Variants in TMEM161A observed in about 807,000 individuals in gnomAD.
The protein encoded by TMEM161A is transmembrane protein 161A.
A neutral mutation model predicts 57.1 loss-of-function variants in TMEM161A; 46 were observed. That is an observed-to-expected ratio of 0.81 (90% CI 0.64 to 1.03). The LOEUF (loss-of-function observed/expected upper bound fraction) is 1.03, where lower values mean the gene tolerates loss of function less well. TMEM161A is among the 50% of genes least tolerant of loss of function. The pLI, the probability that TMEM161A is intolerant of heterozygous loss-of-function variation, is 0.00. For synonymous variants in TMEM161A, 288 were observed against 279.0 expected, an observed-to-expected ratio of 1.03 and a Z score of -0.32; for missense variants, 601 against 621.5, an observed-to-expected ratio of 0.97 and a Z score of 0.35.
chr19:19,132,516 G>T lies in TMEM161A; in HGVS notation c.287-8C>A. On this transcript the variant is annotated splice_region_variant and splice_polypyrimidine_tract_variant and intron_variant, in intron 4 of 11. Transcript: ENST00000162044. The surrounding 1 kb of genome is among the most constrained non-coding windows in gnomAD (Gnocchi z 4.3). ...CCAGGAAGAAGCGCAGGACTGTGGGGGGCACTCTGCTCAGCCCTGGGGCCC... is the reference window on the plus strand; with the variant it reads ...CCAGGAAGAAGCGCAGGACTGTGGGTGGCACTCTGCTCAGCCCTGGGGCCC... 1 of 1,612,468 alleles carries T rather than the reference G, an allele frequency of 6.2e-7. No individual in the cohort carries two copies. Among genetic ancestry groups the T allele is most frequent in the Non-Finnish European group, 8.5e-7 (1 of 1,179,046 alleles).
Position 19,121,395 on chromosome 19 carries a change from G to T in TMEM161A, c.827C>A (p.Ser276Tyr), listed in dbSNP as rs781737745. ...CCAGAGCCACAGGATGAACAGGGGAGACAGGAAGCTGGTGTGCAGGAGGAA... is the reference window on the plus strand; with the variant it reads ...CCAGAGCCACAGGATGAACAGGGGATACAGGAAGCTGGTGTGCAGGAGGAA... ...LQFLLHTSFL[S>Y]PLFILWLWTK... The change falls in exon 9 of 12, where the codon TCT becomes TAT. Residue 276 changes from serine to tyrosine, a missense_variant. Ser to Tyr is a moderately radical substitution (Grantham distance 144, BLOSUM62 -2). Coordinates refer to ENST00000162044, the MANE Select transcript of TMEM161A (RefSeq NM_017814.3). The surrounding 1 kb of genome is among the most constrained non-coding windows in gnomAD (Gnocchi z 5.8). 6 of 1,613,036 alleles carry T rather than the reference G, an allele frequency of 3.7e-6. No individual in the cohort carries two copies. In the East Asian group the frequency reaches 1.3e-4, roughly 36 times the overall value.
chr19:19,130,904 C>G (rs988640659), intron 5 of TMEM161A, among the ~76,000 whole-genome samples: 4 of 151,862 alleles, frequency 2.6e-5, no homozygotes, highest in African/African-American at 9.7e-5. Flanking sequence ...GCCTGCACGA[C>G]AGAGGGATAT....
intron 6 of TMEM161A, among the ~76,000 whole-genome samples, chr19:19,129,290 T>C (rs76558910): frequency 6.6e-6 from 1 of 152,126 alleles, no homozygotes; most frequent in African/African-American, 2.4e-5. Context: ...ATCAAACATA[T>C]ATAATTTTAA....
At chr19:19,134,943 C>T in intron 1 of TMEM161A, 56 bp from the exon 2 acceptor site, 1 of 1,282,512 alleles carries the variant, frequency 7.8e-7, no homozygotes, top group Non-Finnish European at 1.1e-6. Flanking sequence ...AGTTCCCTCC[C>T]TCCCTAGGAA....
At position 19,121,544 on chromosome 19, in the gene TMEM161A, C is replaced by A. The variant is rs2059910599; in HGVS notation, c.781G>T (p.Glu261Ter). 1 of 1,613,868 alleles carries A rather than the reference C, an allele frequency of 6.2e-7. No individual in the cohort carries two copies. The highest frequency in any genetic ancestry group is 8.5e-7 in the Non-Finnish European group (1 of 1,179,984). ...CTTAACTGCAGCATGGGTCTGTCCTCCGACATGGTCAGTGCGTCCCGGTGG... is the reference window on the plus strand; with the variant it reads ...CTTAACTGCAGCATGGGTCTGTCCTACGACATGGTCAGTGCGTCCCGGTGG... ...QTHRDALTMSEDRPMLQFLLH... is the reference protein window; with the variant it reads ...QTHRDALTMS The change falls in exon 8 of 12, where the codon GAG (glutamate) becomes TAG (stop). Residue 261 changes from glutamate to a stop codon, truncating the protein, a stop_gained. Coordinates refer to ENST00000162044, the MANE Select transcript of TMEM161A (RefSeq NM_017814.3). LOFTEE classifies it high-confidence loss of function. This position sits in a 1 kb window ranked among gnomAD's most constrained non-coding sequence, Gnocchi z 5.8.
intron 11 of TMEM161A, 70 bp from the exon 12 acceptor site, chr19:19,120,253 G>A (rs1568532259): frequency 3.8e-6 from 5 of 1,302,162 alleles, no homozygotes; most frequent in Non-Finnish European, 4.2e-6. Flanking sequence ...GGGCTGGCAC[G>A]GGGGGCCAGG....
intron 11 of TMEM161A, 101 bp downstream of exon 11, chr19:19,120,664 C>CCCCCG: frequency 9.0e-7 from 1 of 1,109,608 alleles, no homozygotes; most frequent in Non-Finnish European, 1.3e-6. Flanking sequence ...TGCCTAGGCC[C>CCCCCG]CGCCTCTCCC....
chr19:19,127,070 C>T (rs1316207443), intron 6 of TMEM161A, among the ~76,000 whole-genome samples: 1 of 151,864 alleles, frequency 6.6e-6, no homozygotes, highest in East Asian at 1.9e-4. Context: ...TAAAATGGTT[C>T]AGCTGCTGTA....
In TMEM161A at chr19:19,130,494, G is replaced by A. The variant is rs116772327; in HGVS notation, c.444-187C>T. On this transcript the variant is annotated intron_variant, in intron 5 of 11. Coordinates refer to ENST00000162044, the MANE Select transcript of TMEM161A (RefSeq NM_017814.3). The stretch of plus-strand genomic sequence containing the variant: ...ATCAGGATGTGGGCTGGGGGTTCCC[G>A]TTGAGTGGGAGATGGCCTCATCAGG... 2,918 of 670,668 alleles carry A rather than the reference G, an allele frequency of 4.4e-3. 19 individuals are homozygous for A. The highest frequency in any genetic ancestry group is 0.016 in the Middle Eastern group (50 of 3,078). The allele number at this position is 670,668 out of a possible 1,614,324, so 41.5% of individuals were successfully genotyped here. A position where few individuals can be genotyped will look rare whatever the true frequency, so the allele number is the denominator to read the frequency against.
rs749742914 is a variant in TMEM161A at position 19,132,801 on chromosome 19, C to T, written c.189-47G>A. ...AGAGGGACGGTGAGCACGCATTCCACTGAGGCCAGCCACCCTCAGAGCTCA... is the reference window on the plus strand; with the variant it reads ...AGAGGGACGGTGAGCACGCATTCCATTGAGGCCAGCCACCCTCAGAGCTCA... On this transcript the variant is annotated intron_variant, in intron 3 of 11. Coordinates refer to ENST00000162044, the MANE Select transcript of TMEM161A (RefSeq NM_017814.3). The surrounding 1 kb of genome is among the most constrained non-coding windows in gnomAD (Gnocchi z 4.3). The T allele has an allele frequency of 2.1e-6, 3 of 1,435,138 alleles. No homozygotes were observed. The highest frequency in any genetic ancestry group is 2.8e-6 in the Non-Finnish European group (3 of 1,063,156). The allele number at this position is 1,435,138 out of a possible 1,614,324, so 88.9% of individuals were successfully genotyped here.
At chr19:19,134,051 G>T (rs553371214) in intron 2 of TMEM161A, among the ~76,000 whole-genome samples, 76 of 122,696 alleles carry the variant, frequency 6.2e-4, no homozygotes, top group African/African-American at 2.3e-3. Flanking sequence ...TATCATCTCT[G>T]ACGTGTTTTT....
intron 6 of TMEM161A, among the ~76,000 whole-genome samples, chr19:19,127,796 C>T (rs2059938327): frequency 6.6e-6 from 1 of 151,516 alleles, no homozygotes; most frequent in Non-Finnish European, 1.5e-5. Context: ...AAAAATTAGC[C>T]AGGTGTGGTG....
intron 11 of TMEM161A, 148 bp downstream of exon 11, chr19:19,120,617 C>G: frequency 1.4e-6 from 1 of 733,256 alleles, no homozygotes; most frequent in Non-Finnish European, 2.3e-6. Flanking sequence ...GGCTCCGCTT[C>G]CTGCTCAGAC....
At chr19:19,126,886 T>A (rs897841076) in intron 6 of TMEM161A, among the ~76,000 whole-genome samples, 15 of 150,816 alleles carry the variant, frequency 9.9e-5, no homozygotes, top group African/African-American at 2.9e-4. Context: ...AAAATAAAAA[T>A]AAAAAAATAA....
intron 1 of TMEM161A, among the ~76,000 whole-genome samples, chr19:19,136,619 G>T (rs908615896): frequency 2.6e-5 from 4 of 152,084 alleles, no homozygotes; most frequent in African/African-American, 9.7e-5. Flanking sequence ...TTGTGCCACT[G>T]CACTCCAGCC....
chr19:19,128,888 T>C (rs1413615107), intron 6 of TMEM161A, among the ~76,000 whole-genome samples: 1 of 152,126 alleles, frequency 6.6e-6, no homozygotes, highest in African/African-American at 2.4e-5. Flanking sequence ...ATGGTTAAGA[T>C]GGTGAATTTT....
intron 11 of TMEM161A, 94 bp downstream of exon 11, chr19:19,120,671 T>A: frequency 5.5e-5 from 46 of 835,468 alleles, no homozygotes; most frequent in East Asian, 9.4e-5. Context: ...GCCCCGCCTC[T>A]CCCCCCCCAC....
chr19:19,120,728 T>A, intron 11 of TMEM161A, 37 bp downstream of exon 11: 1 of 1,412,178 alleles, frequency 7.1e-7, no homozygotes, highest in Non-Finnish European at 9.6e-7. Flanking sequence ...ATCTTCCAAC[T>A]CCGCCCCTCC....
Position 19,132,395 on chromosome 19 carries a change from T to C in TMEM161A, c.400A>G (p.Asn134Asp), listed in dbSNP as rs1421953654. The C allele has an allele frequency of 6.2e-7, 1 of 1,614,080 alleles. No individual in the cohort carries two copies. The change falls in exon 5 of 12, where the codon AAC becomes GAC. Residue 134 changes from asparagine (N) to aspartate (D), a missense_variant. Transcript: ENST00000162044. The surrounding 1 kb of genome is among the most constrained non-coding windows in gnomAD (Gnocchi z 4.3). ...AGCAGGCACCAGAACACAGCAATGT[T>C]AGTCTCCTTGGCTGGTCCCAGCATG... The part of the protein sequence containing the change: ...YYMLGPAKET[N>D]IAVFWCLLTV...
Sources: gnomAD v4.1 joint callset for allele counts (sites outside exome capture counted in the v4.1 genomes callset) on GRCh38, gnomAD v4.1.1 for gene constraint, Gnocchi (gnomAD v3.1) non-coding constraint, MANE v1.5 for transcripts, NCBI Gene and HGNC (gene_info 2026-07-23, HGNC 2026-07-21) for gene names.